The following AKT3 variants were observed in gnomAD, a reference collection of about 807,000 sequenced individuals.
AKT3 encodes AKT serine/threonine kinase 3, also known as RAC-gamma serine/threonine-protein kinase.
In AKT3, 15 loss-of-function variants were observed where a neutral mutation model predicts 65.3. The ratio of observed to expected loss-of-function variants is 0.23; its 90% confidence interval spans 0.15 to 0.35. The LOEUF (loss-of-function observed/expected upper bound fraction) is 0.35, where lower values mean the gene tolerates loss of function less well. Ranked by LOEUF, AKT3 falls within the 10% of genes least tolerant of loss-of-function variation. The pLI, the probability that AKT3 is intolerant of heterozygous loss-of-function variation, is 1.00. For synonymous variants in AKT3, 206 were observed against 183.8 expected (o/e 1.12, Z -0.98); for missense variants, 243 against 576.5 (o/e 0.42, Z 5.92).
intron 12 of AKT3, among the ~76,000 whole-genome samples, chr1:243,525,992 C>CA (rs1553395719): frequency 1.3e-5 from 2 of 151,158 alleles, no homozygotes; most frequent in Admixed American, 1.3e-4. Flanking sequence ...ACATTATAGT[C>CA]AAAAGGCTTA....
intron 5 of AKT3, among the ~76,000 whole-genome samples, chr1:243,644,680 G>C (rs762177970): frequency 1.3e-5 from 2 of 151,796 alleles, no homozygotes; most frequent in Non-Finnish European, 2.9e-5. Context: ...TACTCCAACT[G>C]AGTCTCCAAA....
At chr1:243,595,542 T>C (rs1676544583) in intron 8 of AKT3, among the ~76,000 whole-genome samples, 1 of 152,256 alleles carries the variant, frequency 6.6e-6, no homozygotes, top group African/African-American at 2.4e-5. Context: ...CAGTTTAAAA[T>C]ATGAACACAT....
At chr1:243,833,780 C>T (rs1279310334) in intron 2 of AKT3, among the ~76,000 whole-genome samples, 3 of 151,456 alleles carry the variant, frequency 2.0e-5, no homozygotes, top group Non-Finnish European at 4.4e-5. Context: ...GAAGATGAGC[C>T]CAGCCACAGT....
chr1:243,742,604 G>A (rs942795840), intron 2 of AKT3, among the ~76,000 whole-genome samples: 11 of 152,152 alleles, frequency 7.2e-5, no homozygotes, highest in African/African-American at 1.9e-4. Context: ...CAGCCTGGGC[G>A]ACAGAGCGAG....
At chr1:243,603,602 C>T (rs1677175234) in intron 8 of AKT3, among the ~76,000 whole-genome samples, 1 of 152,154 alleles carries the variant, frequency 6.6e-6, no homozygotes, top group South Asian at 2.1e-4. Context: ...GATATTTCCT[C>T]ACTTCCTGGG....
At chr1:243,553,002 C>G (rs1558610154) in intron 10 of AKT3, 59 bp from the exon 11 acceptor site, 10 of 1,295,456 alleles carry the variant, frequency 7.7e-6, no homozygotes, top group Non-Finnish European at 9.6e-6. Context: ...AAGCATTATT[C>G]ATAAAACATA....
At chr1:243,588,866 C>T (rs753101203) in intron 8 of AKT3, among the ~76,000 whole-genome samples, 2 of 152,018 alleles carry the variant, frequency 1.3e-5, no homozygotes, top group Non-Finnish European at 2.9e-5. Context: ...AAAGCACAAG[C>T]AACAAAGGCA....
intron 12 of AKT3, among the ~76,000 whole-genome samples, chr1:243,526,704 A>G (rs1464461850): frequency 6.6e-6 from 1 of 150,512 alleles, no homozygotes; most frequent in Non-Finnish European, 1.5e-5. Flanking sequence ...ATATCCTTTA[A>G]GAATGAAGGC....
At chr1:243,727,132 A>G (rs1687259706) in intron 2 of AKT3, among the ~76,000 whole-genome samples, 1 of 152,212 alleles carries the variant, frequency 6.6e-6, no homozygotes, top group African/African-American at 2.4e-5. Context: ...CCTACATAAT[A>G]AGTGCTGAGG....
chr1:243,801,011 T>G (rs1047702088), intron 2 of AKT3, among the ~76,000 whole-genome samples: 1 of 152,206 alleles, frequency 6.6e-6, no homozygotes, highest in Non-Finnish European at 1.5e-5. Context: ...TAAATAAAGC[T>G]AAGTATGTTG....
chr1:243,595,575 G>A (rs1258287477), intron 8 of AKT3, among the ~76,000 whole-genome samples: 1 of 151,882 alleles, frequency 6.6e-6, no homozygotes, highest in South Asian at 2.1e-4. Flanking sequence ...CAAAAATATT[G>A]TTTCTTTACA....
chr1:243,591,385 T>G (rs1270082824), intron 8 of AKT3, among the ~76,000 whole-genome samples: 1 of 152,368 alleles, frequency 6.6e-6, no homozygotes, highest in South Asian at 2.1e-4. Context: ...CAGACCAGTC[T>G]TACTAAGCTT....
At chr1:243,824,974 T>A (rs1463077227) in intron 2 of AKT3, among the ~76,000 whole-genome samples, 1 of 152,214 alleles carries the variant, frequency 6.6e-6, no homozygotes, top group African/African-American at 2.4e-5. Flanking sequence ...GCAGCACTAT[T>A]CCTGATAGCA....
intron 2 of AKT3, among the ~76,000 whole-genome samples, chr1:243,812,087 A>G (rs1487553686): frequency 6.6e-6 from 1 of 152,234 alleles, no homozygotes; most frequent in African/African-American, 2.4e-5. Flanking sequence ...AAACCTGGGC[A>G]ATACCATTCA....
intron 8 of AKT3, among the ~76,000 whole-genome samples, chr1:243,604,683 C>T (rs1677265525): frequency 6.6e-6 from 1 of 152,164 alleles, no homozygotes; most frequent in Middle Eastern, 3.2e-3. Context: ...TGCTCATTCT[C>T]TCCATGCACA....
intron 2 of AKT3, among the ~76,000 whole-genome samples, chr1:243,822,412 A>G (rs1017434670): frequency 6.6e-6 from 1 of 151,994 alleles, no homozygotes; most frequent in Non-Finnish European, 1.5e-5. Context: ...GCAGAAGACA[A>G]GAAGTAACCA....
intron 3 of AKT3, among the ~76,000 whole-genome samples, chr1:243,674,342 C>T (rs1243180870): frequency 6.6e-6 from 1 of 151,826 alleles, no homozygotes; most frequent in Non-Finnish European, 1.5e-5. Context: ...ACCACCGTAA[C>T]CCAGTGAACA....
intron 2 of AKT3, among the ~76,000 whole-genome samples, chr1:243,739,293 A>G (rs185294601): frequency 3.3e-5 from 5 of 152,226 alleles, no homozygotes; most frequent in African/African-American, 1.2e-4. Context: ...CATAGAAAAA[A>G]TTGAGATATT....
chr1:243,641,683 C>T (rs888878705), intron 5 of AKT3, among the ~76,000 whole-genome samples: 1 of 152,186 alleles, frequency 6.6e-6, no homozygotes, highest in East Asian at 1.9e-4. Flanking sequence ...CACCTGTAAT[C>T]CCACAATTTG....
Sources: allele counts gnomAD v4.1 joint callset (sites outside exome capture counted in the v4.1 genomes callset), GRCh38; gene constraint gnomAD v4.1.1; transcripts MANE v1.5; gene names NCBI Gene and HGNC (gene_info 2026-07-23, HGNC 2026-07-21).